SOX30: variants seen among roughly 807,000 people sequenced by gnomAD.
SOX30 encodes transcription factor SOX-30.
In SOX30, 17 loss-of-function variants were observed where a neutral mutation model predicts 58.6. The observed-to-expected ratio is 0.29, with a 90% CI of 0.20 to 0.44. The LOEUF (loss-of-function observed/expected upper bound fraction) is 0.44, where lower values mean the gene tolerates loss of function less well. Among genes scored for constraint, SOX30 ranks in the 20% least tolerant of loss-of-function variants. The pLI is 1.00. For missense variants in SOX30, 951 were observed against 965.8 expected (o/e 0.98, Z 0.20); for synonymous variants, 421 against 400.2 (o/e 1.05, Z -0.62).
In SOX30 at chr5:157,666,520, CACACACA is replaced by C. The variant is rs1561591724; in HGVS notation, c.52+1271_52+1277del. Among the ~76,000 whole-genome samples, 683 of 145,398 alleles carry C rather than the reference CACACACA, an allele frequency of 4.7e-3. 11 individuals carry two copies. The highest frequency in any genetic ancestry group is 0.018 in the African/African-American group (650 of 36,006). On this transcript the variant is annotated intron_variant, in intron 2 of 5. Transcript: ENST00000519442. ...ACACACACACACACACACACACACA[CACACACA>C]CCTCAGTTCAAATGAAATCTCAGCT...
chr5:157,655,848 A>C (rs1725066111), upstream of SOX30, among the ~76,000 whole-genome samples: 1 of 152,244 alleles, frequency 6.6e-6, no homozygotes, highest in Non-Finnish European at 1.5e-5. Context: ...CTTAAGCTGT[A>C]GCCAATCTGG....
At chr5:157,648,410 A>C (rs1759247777) in intron 2 of SOX30, among the ~76,000 whole-genome samples, 1 of 152,198 alleles carries the variant, frequency 6.6e-6, no homozygotes, top group Non-Finnish European at 1.5e-5. Flanking sequence ...AACCACAATA[A>C]AACTGCGTGT....
At chr5:157,649,986 C>T (rs6880455) in intron 1 of SOX30, among the ~76,000 whole-genome samples, 7,468 of 152,046 alleles carry the variant, frequency 0.049, 639 homozygotes, top group African/African-American at 0.17. Flanking sequence ...GAGGCCAAGG[C>T]GGAGGACTGC....
Position 157,626,658 on chromosome 5 carries a change from G to GC in SOX30, c.1943dup (p.Cys648TrpfsTer3). ...GGTACCTGTCTTCATAATAACTAAG[G>GC]CATTCTGGCATTGAACTCGGAAAAT... On this transcript the variant is annotated frameshift_variant, in exon 5 of 5. Coordinates refer to ENST00000265007, the MANE Select transcript of SOX30 (RefSeq NM_178424.2). LOFTEE classifies it high-confidence loss of function. The GC allele has an allele frequency of 1.2e-6, 2 of 1,613,672 alleles. No individual in the cohort carries two copies. Among genetic ancestry groups the GC allele is most frequent in the Non-Finnish European group, 1.7e-6 (2 of 1,179,906 alleles).
upstream of SOX30, among the ~76,000 whole-genome samples, chr5:157,652,587 T>C (rs1172091251): frequency 1.3e-5 from 2 of 152,342 alleles, no homozygotes; most frequent in African/African-American, 4.8e-5. Flanking sequence ...TTTTGAATCT[T>C]TGCCAAGGGA....
chr5:157,648,151 C>T (rs1759241101), intron 2 of SOX30, among the ~76,000 whole-genome samples: 2 of 152,160 alleles, frequency 1.3e-5, no homozygotes, highest in Non-Finnish European at 1.5e-5. Flanking sequence ...GTTCCCACTG[C>T]TAGGGAGAAA....
At chr5:157,637,679 T>C (rs1330321151) in intron 4 of SOX30, among the ~76,000 whole-genome samples, 1 of 152,096 alleles carries the variant, frequency 6.6e-6, no homozygotes, top group Non-Finnish European at 1.5e-5. Context: ...GCATGAAAAA[T>C]TATATCCAAC....
Position 157,652,033 on chromosome 5 carries a change from G to A in SOX30, c.46C>T (p.Arg16Cys). 3.5e-6 allele frequency: 5 copies of A among 1,424,700 alleles called. No homozygotes were observed. Among genetic ancestry groups the A allele is most frequent in the Non-Finnish European group, 3.6e-6 (4 of 1,098,036 alleles). 88.3% of individuals were successfully genotyped at this position (1,424,700 alleles called of 1,614,324 possible). ...PEPPPQPRPL[R>C]PAPPPLPVEG... ...ACCGGCAGCGGGGGCGGAGCGGGAC[G>A]CAACGGGCGCGGCTGAGGCGGCGGC... Residue 16 changes from arginine (R) to cysteine (C), a missense_variant, in exon 1 of 5, where the codon CGT becomes TGT. By Grantham distance (180) the Arg-to-Cys change is radical. This residue lies in a region of SOX30 where 363 missense variants were observed against 294.5 expected (regional missense o/e 1.23). Transcript: ENST00000265007.
chr5:157,652,608 G>T (rs138296905), upstream of SOX30, among the ~76,000 whole-genome samples: 94 of 152,356 alleles, frequency 6.2e-4, no homozygotes, highest in African/African-American at 2.3e-3. Context: ...GAATGGGGAA[G>T]ATTTTGCAAC....
At chr5:157,647,623 C>T (rs1449220424) in intron 2 of SOX30, among the ~76,000 whole-genome samples, 1 of 152,046 alleles carries the variant, frequency 6.6e-6, no homozygotes, top group Non-Finnish European at 1.5e-5. Context: ...GGCACGATCT[C>T]GGCTCACTGC....
chr5:157,651,346 C>A lies in SOX30; in HGVS notation c.733G>T (p.Ala245Ser), dbSNP rs1351066802. 1.2e-6 allele frequency: 2 copies of A among 1,613,752 alleles called. No homozygotes were observed. Among genetic ancestry groups the A allele is most frequent in the East Asian group, 2.2e-5 (1 of 44,892 alleles). The change falls in exon 1 of 5, where the codon GCC (alanine) becomes TCC (serine). Residue 245 changes from alanine (A) to serine (S), a missense_variant. Physicochemically the swap from Ala to Ser is moderately conservative, Grantham distance 99. This residue lies in a region of SOX30 where 84 missense variants were observed against 68.2 expected (regional missense o/e 1.23). Transcript: ENST00000265007. ...LVHGSAEVILAPTSGAFGPHQ... is the reference protein window; with the variant it reads ...LVHGSAEVILSPTSGAFGPHQ... ...GGCCCAAAGGCACCGGACGTTGGGG[C>A]CAAGATGACCTCCGCGCTGCCATGA... is the stretch of plus-strand genomic sequence containing the variant.
intron 3 of SOX30, among the ~76,000 whole-genome samples, chr5:157,644,962 C>T (rs569851382): frequency 3.9e-5 from 6 of 152,168 alleles, no homozygotes; most frequent in South Asian, 2.1e-4. Flanking sequence ...TCTTGGGTAA[C>T]GGAGCAAGAC....
chr5:157,653,861 C>G (rs909532881), upstream of SOX30, among the ~76,000 whole-genome samples: 1 of 152,026 alleles, frequency 6.6e-6, no homozygotes, highest in African/African-American at 2.4e-5. Context: ...CTCATTATAC[C>G]CATAAAAACT....
rs774801333 is a variant in SOX30, at chr5:157,651,710, G to A, written c.369C>T (p.Pro123=). ...PTASDGATSR[P]ELHPVQPLAL... ...CCAGGGGCTGCACCGGGTGCAACTCGGGCCTGGAGGTGGCGCCGTCTGACG... is the reference window on the plus strand; with the variant it reads ...CCAGGGGCTGCACCGGGTGCAACTCAGGCCTGGAGGTGGCGCCGTCTGACG... Residue 123 remains proline, a synonymous_variant, in exon 1 of 5, where the codon CCC becomes CCT. Transcript: ENST00000265007. 1.7e-5 allele frequency: 27 copies of A among 1,583,930 alleles called. No individual in the cohort carries two copies. The highest frequency in any genetic ancestry group is 2.0e-5 in the Non-Finnish European group (23 of 1,166,822).
At chr5:157,647,766 A>G (rs1314192687) in intron 2 of SOX30, among the ~76,000 whole-genome samples, 2 of 150,772 alleles carry the variant, frequency 1.3e-5, no homozygotes, top group Non-Finnish European at 3.0e-5. Flanking sequence ...TCACTGTGTT[A>G]GCCAGGATGG....
chr5:157,662,428 T>G (rs1759594123), intron 2 of SOX30, among the ~76,000 whole-genome samples: 1 of 152,176 alleles, frequency 6.6e-6, no homozygotes, highest in Non-Finnish European at 1.5e-5. Context: ...TTAATTAATT[T>G]TTCTAGGTTA....
At chr5:157,653,113 A>G (rs183853624), upstream of SOX30, among the ~76,000 whole-genome samples, 77 of 152,222 alleles carry the variant, frequency 5.1e-4, no homozygotes, top group Admixed American at 1.5e-3. Flanking sequence ...CCCCATCATC[A>G]TTCTCTTTCT....
Position 157,646,626 on chromosome 5 carries a change from A to G in SOX30, c.1387+11T>C. ...TTTAAAAAATAGTAATCTACAATAAAACTAACTCACCAACTGGATGAGTGA... is the reference window on the plus strand; with the variant it reads ...TTTAAAAAATAGTAATCTACAATAAGACTAACTCACCAACTGGATGAGTGA... On this transcript the variant is annotated intron_variant, in intron 3 of 4. Coordinates refer to ENST00000265007, the MANE Select transcript of SOX30 (RefSeq NM_178424.2). The G allele has an allele frequency of 1.3e-5, 20 of 1,585,172 alleles. No homozygotes were observed. The highest frequency in any genetic ancestry group is 1.7e-5 in the Non-Finnish European group (20 of 1,166,524).
At chr5:157,638,114 AGAATT>A (rs1758973231) in intron 4 of SOX30, 111 bp downstream of exon 4, 1 of 1,054,092 alleles carries the variant, frequency 9.5e-7, no homozygotes, top group Admixed American at 2.9e-5. Context: ...CCTAGTCAGC[AGAATT>A]GAAGAAGTCT....
Sources: gnomAD v4.1 joint callset for allele counts (sites outside exome capture counted in the v4.1 genomes callset) on GRCh38, gnomAD v4.1.1 for gene constraint, gnomAD v4.1.1 regional missense constraint, MANE v1.5 for transcripts, NCBI Gene and HGNC (gene_info 2026-07-23, HGNC 2026-07-21) for gene names.